The following PDE11A variants were observed in gnomAD, a reference collection of about 807,000 sequenced individuals.
PDE11A encodes the protein phosphodiesterase 11A, also known as dual 3',5'-cyclic-AMP and -GMP phosphodiesterase 11A.
Under a neutral mutation model 100.5 loss-of-function variants are expected in PDE11A, and 100 were observed. That is an observed-to-expected ratio of 1.00 (90% confidence interval 0.85 to 1.18). PDE11A has a LOEUF of 1.18. Among genes scored for constraint, PDE11A ranks in the 50% most tolerant of loss-of-function variants. The probability of loss-of-function intolerance (pLI) is 0.00; values close to 1 mark genes in which losing one functional copy is unlikely to be tolerated. For synonymous variants in PDE11A, 381 were observed against 420.8 expected (o/e 0.91, Z 1.16); for missense variants, 1,141 against 1,152.6 (o/e 0.99, Z 0.15).
chr2:177,963,859 C>G (rs1489556337), intron 2 of PDE11A, among the ~76,000 whole-genome samples: 1 of 152,060 alleles, frequency 6.6e-6, no homozygotes, highest in Non-Finnish European at 1.5e-5. Context: ...CCAGCTGCAC[C>G]CCTTCAGACT....
In PDE11A at chr2:177,736,059, GACCAAGCA is replaced by G. The variant is rs1377309030; in HGVS notation, c.1789-7895_1789-7888del. ...CTTTCCTCTCCTGGGAATATTTGAAGACCAAGCAACCCTTTGTGTCCTCCAGGGAAAAG... is the reference window on the plus strand; with the variant it reads ...CTTTCCTCTCCTGGGAATATTTGAAGACCCTTTGTGTCCTCCAGGGAAAAG... On this transcript the variant is annotated intron_variant, in intron 10 of 19. Coordinates refer to ENST00000286063, the MANE Select transcript of PDE11A (RefSeq NM_016953.4). Among the ~76,000 whole-genome samples, 13 of 152,316 alleles carry G rather than the reference GACCAAGCA, an allele frequency of 8.5e-5. No individual in the cohort carries two copies. The South Asian group carries it at 2.7e-3, about 32-fold the overall frequency.
intron 2 of PDE11A, among the ~76,000 whole-genome samples, chr2:177,932,699 GC>G (rs376526745): frequency 5.8e-4 from 88 of 152,124 alleles, no homozygotes; most frequent in African/African-American, 2.1e-3. Flanking sequence ...CAAACCCACA[GC>G]CAACATCATA....
At chr2:177,779,940 C>T (rs1322757134) in intron 9 of PDE11A, among the ~76,000 whole-genome samples, 1 of 152,186 alleles carries the variant, frequency 6.6e-6, no homozygotes, top group Non-Finnish European at 1.5e-5. Flanking sequence ...TACAGCCTTA[C>T]AAAATGTATT....
intron 19 of PDE11A, among the ~76,000 whole-genome samples, chr2:177,630,495 G>A (rs950893465): frequency 2.0e-5 from 3 of 152,070 alleles, no homozygotes; most frequent in African/African-American, 4.8e-5. Flanking sequence ...ATGGGGGCAG[G>A]GCCGAGGATT....
rs532751654 is a variant in PDE11A, at chr2:177,736,138, C to T, written c.1789-7966G>A. ...GGGGTTCTGGGTCTAATGGGTCTAT[C>T]TATTTTGAAAGAACCAGGGAAAAAG... On this transcript the variant is annotated intron_variant, in intron 10 of 19. Transcript: ENST00000286063. Among the ~76,000 whole-genome samples, 11 of 152,192 alleles carry T rather than the reference C, an allele frequency of 7.2e-5. No individual in the cohort carries two copies. In the East Asian group the frequency reaches 1.9e-3, roughly 27 times the overall value.
At chr2:177,990,299 G>T (rs1166845355) in intron 2 of PDE11A, among the ~76,000 whole-genome samples, 1 of 152,154 alleles carries the variant, frequency 6.6e-6, no homozygotes, top group Non-Finnish European at 1.5e-5. Context: ...GGACTTTGTG[G>T]TTCCTGCTTT....
chr2:178,089,874 G>T (rs1177845187), intron 2 of PDE11A, among the ~76,000 whole-genome samples: 1 of 152,192 alleles, frequency 6.6e-6, no homozygotes, highest in Non-Finnish European at 1.5e-5. Context: ...GATAGGAATG[G>T]CCTGAAAAAC....
chr2:177,969,753 C>T (rs1400513242), intron 2 of PDE11A, among the ~76,000 whole-genome samples: 3 of 152,086 alleles, frequency 2.0e-5, no homozygotes, highest in African/African-American at 4.8e-5. Flanking sequence ...TATTACACTA[C>T]TTTGTATCTC....
intron 1 of PDE11A, among the ~76,000 whole-genome samples, chr2:178,014,687 C>T (rs1574342205): frequency 6.6e-6 from 1 of 152,180 alleles, no homozygotes. Flanking sequence ...AGACTTTAAG[C>T]CCAACCGCAA....
intron 16 of PDE11A, among the ~76,000 whole-genome samples, chr2:177,677,049 C>T (rs530653456): frequency 6.6e-6 from 1 of 152,326 alleles, no homozygotes; most frequent in South Asian, 2.1e-4. Flanking sequence ...ATCTCTCCTG[C>T]ATAGCAAATA....
chr2:177,683,562 A>G (rs1307479466), intron 15 of PDE11A: 1 of 152,270 alleles, frequency 6.6e-6, no homozygotes, highest in Admixed American at 6.5e-5. Context: ...TGCAGTAGGG[A>G]GGAGCCTGGC....
chr2:177,855,433 AGTATTTATTCAACT>A (rs1268749862), intron 5 of PDE11A, among the ~76,000 whole-genome samples: 1 of 152,092 alleles, frequency 6.6e-6, no homozygotes, highest in Non-Finnish European at 1.5e-5. Flanking sequence ...TAATCCAATG[AGTATTTATTCAACT>A]GTAGTTGAAT....
At chr2:177,879,446 G>A (rs1044218142) in intron 4 of PDE11A, among the ~76,000 whole-genome samples, 23 of 152,104 alleles carry the variant, frequency 1.5e-4, no homozygotes, top group Non-Finnish European at 3.1e-4. Context: ...CAACAAATAC[G>A]TACCGTCTTA....
intron 19 of PDE11A, among the ~76,000 whole-genome samples, chr2:177,658,181 T>G (rs920184282): frequency 6.6e-6 from 1 of 152,138 alleles, no homozygotes; most frequent in Non-Finnish European, 1.5e-5. Flanking sequence ...GGTCCTTCTC[T>G]TGAAGGTCAC....
chr2:177,942,419 T>TTTTA (rs2085355904), intron 2 of PDE11A, among the ~76,000 whole-genome samples: 1 of 151,910 alleles, frequency 6.6e-6, no homozygotes, highest in African/African-American at 2.4e-5. Flanking sequence ...TTTTTTTTTT[T>TTTTA]GAGACAGAGT....
intron 2 of PDE11A, among the ~76,000 whole-genome samples, chr2:177,929,892 T>A (rs10201731): frequency 0.16 from 23,963 of 152,118 alleles, 1,954 homozygotes; most frequent in Middle Eastern, 0.27. Flanking sequence ...AATCCTACCA[T>A]TGTATAAGTT....
At chr2:177,957,062 TAAAA>T (rs891311512) in intron 2 of PDE11A, among the ~76,000 whole-genome samples, 1 of 142,666 alleles carries the variant, frequency 7.0e-6, no homozygotes, top group African/African-American at 2.6e-5. Flanking sequence ...AATAATAAAA[TAAAA>T]AAAAAGAAAA....
chr2:177,960,608 G>T (rs1019599237), intron 2 of PDE11A, among the ~76,000 whole-genome samples: 7 of 151,854 alleles, frequency 4.6e-5, no homozygotes, highest in Non-Finnish European at 1.0e-4. Flanking sequence ...AATGGAATTT[G>T]AGATTTTCCA....
At chr2:178,034,808 G>A (rs2086589998) in intron 1 of PDE11A, among the ~76,000 whole-genome samples, 1 of 152,144 alleles carries the variant, frequency 6.6e-6, no homozygotes. Flanking sequence ...CAGAAACAAA[G>A]GAGTTCTTTG....
Sources: allele counts gnomAD v4.1 joint callset (sites outside exome capture counted in the v4.1 genomes callset), GRCh38; gene constraint gnomAD v4.1.1; transcripts MANE v1.5; gene names NCBI Gene and HGNC (gene_info 2026-07-23, HGNC 2026-07-21).